Variants in GRIP2 observed in about 807,000 individuals in gnomAD.
GRIP2 encodes glutamate receptor-interacting protein 2.
GRIP2 carries 58 observed loss-of-function variants against 108.3 expected under a neutral mutation model. The ratio of observed to expected loss-of-function variants is 0.54; its 90% CI spans 0.43 to 0.67. The LOEUF is 0.67. Among genes scored for constraint, GRIP2 ranks in the 30% least tolerant of loss-of-function variants. The probability of loss-of-function intolerance (pLI) is 0.00; values close to 1 mark genes in which losing one functional copy is unlikely to be tolerated. For missense variants in GRIP2, 1,278 were observed against 1,430.6 expected (o/e 0.89, Z 1.72); for synonymous variants, 586 against 598.2 (o/e 0.98, Z 0.30).
chr3:14,540,361 T>C, upstream of GRIP2: 1 of 1,611,814 alleles, frequency 6.2e-7, no homozygotes, highest in Non-Finnish European at 8.5e-7. The surrounding 1 kb of genome is among the most constrained non-coding windows in gnomAD (Gnocchi z 4.1). Flanking sequence ...GCCACGCTGC[T>C]TGGCCCTCCC....
At chr3:14,581,732 T>C in the GRIP2 span, among the ~76,000 whole-genome samples, 1 of 152,374 alleles carries the variant, frequency 6.6e-6, no homozygotes, top group South Asian at 2.1e-4. Context: ...AGCCCCTGGA[T>C]GTAGCCCTTC....
chr3:14,521,873 G>C lies in GRIP2; in HGVS notation c.567-86C>G, dbSNP rs1011150030. On this transcript the variant is annotated intron_variant, in intron 6 of 23. Transcript: ENST00000621039. This position sits in a 1 kb window ranked among gnomAD's most constrained non-coding sequence, Gnocchi z 5.1. ...GGAGGGCGCTGGGAAGCGGGACATG[G>C]AGGATGAAGAAGCAGGGAATGGGTG... 11 of 1,251,914 alleles carry C rather than the reference G, an allele frequency of 8.8e-6. No homozygotes were observed. Among genetic ancestry groups the C allele is most frequent in the Non-Finnish European group, 1.2e-5 (11 of 938,346 alleles). 77.6% of individuals were successfully genotyped at this position (1,251,914 alleles called of 1,614,324 possible). A position where few individuals can be genotyped will look rare whatever the true frequency, so the allele number is the denominator to read the frequency against.
chr3:14,562,317 G>A, the GRIP2 span, among the ~76,000 whole-genome samples: 490 of 152,320 alleles, frequency 3.2e-3, 1 homozygote, highest in African/African-American at 0.011. Flanking sequence ...CTGAGTGGGG[G>A]AAGTTGTGAG....
chr3:14,560,620 C>T (rs985721451), upstream of GRIP2, among the ~76,000 whole-genome samples: 5 of 152,212 alleles, frequency 3.3e-5, no homozygotes, highest in African/African-American at 4.8e-5. Flanking sequence ...GAAGCTGTGT[C>T]AGTCAGGCTG....
chr3:14,572,534 C>T, the GRIP2 span, among the ~76,000 whole-genome samples: 2 of 128,944 alleles, frequency 1.6e-5, no homozygotes, highest in African/African-American at 6.0e-5. Context: ...ATGGCGTGAA[C>T]CCGGGAGGCG....
chr3:14,574,438 T>C, the GRIP2 span: 3 of 713,342 alleles, frequency 4.2e-6, no homozygotes, highest in Non-Finnish European at 7.6e-6. Context: ...TCTTCCCGCT[T>C]CCGCCAGCCT....
chr3:14,602,349 A>G, the GRIP2 span: 2 of 151,752 alleles, frequency 1.3e-5, no homozygotes, highest in African/African-American at 4.8e-5. This position sits in a 1 kb window ranked among gnomAD's most constrained non-coding sequence, Gnocchi z 4.7. Flanking sequence ...CAGTGCGGCG[A>G]GTCAGCCCCC....
At chr3:14,517,492 C>CTA (rs1694282474) in intron 10 of GRIP2, among the ~76,000 whole-genome samples, 1 of 108,534 alleles carries the variant, frequency 9.2e-6, no homozygotes. Flanking sequence ...TAATCTCTCT[C>CTA]TCTTTTTTTT....
Position 14,540,117 on chromosome 3 carries a change from A to C in GRIP2, c.40+152T>G, listed in dbSNP as rs892242882. On this transcript the variant is annotated intron_variant, in intron 1 of 23. Coordinates refer to ENST00000621039, the MANE Select transcript of GRIP2 (RefSeq NM_001080423.4). This position sits in a 1 kb window ranked among gnomAD's most constrained non-coding sequence, Gnocchi z 4.1. ...CCAGGGTCAGACAGACAGCCCCAGC[A>C]AGTGTCCTGCCCCACCCTCCCCAAG... Among the ~76,000 whole-genome samples the C allele has an allele frequency of 6.6e-6, 1 of 151,976 alleles. No homozygotes were observed. Among genetic ancestry groups the C allele is most frequent in the Admixed American group, 6.5e-5 (1 of 15,274 alleles).
rs1402984016 is a variant in GRIP2, at chr3:14,507,798, A to C, written c.2079-98T>G. ...GAATCCAGGAGAGCCACAAAGCAGA[A>C]GTCTGGCTGACCCCAGTTAAACCCA... is the stretch of plus-strand genomic sequence containing the variant. On this transcript the variant is annotated intron_variant, in intron 17 of 23. Transcript: ENST00000621039. The surrounding 1 kb of genome is among the most constrained non-coding windows in gnomAD (Gnocchi z 4.6). 7.1e-7 allele frequency: 1 copy of C among 1,416,700 alleles called. No homozygotes were observed. The highest frequency in any genetic ancestry group is 1.4e-5 in the African/African-American group (1 of 70,700). 87.8% of individuals were successfully genotyped at this position (1,416,700 alleles called of 1,614,324 possible).
chr3:14,552,326 C>T (rs1695163264), intron 1 of GRIP2, among the ~76,000 whole-genome samples: 1 of 152,180 alleles, frequency 6.6e-6, no homozygotes, highest in Admixed American at 6.5e-5. Flanking sequence ...CAGACATGCA[C>T]CACGGAGTGG....
chr3:14,579,676 C>A, the GRIP2 span, among the ~76,000 whole-genome samples: 3 of 130,650 alleles, frequency 2.3e-5, no homozygotes, highest in African/African-American at 8.7e-5. Context: ...TTCAGTCTCC[C>A]GCCTTCACAA....
At chr3:14,514,207 G>A in intron 12 of GRIP2, 85 bp downstream of exon 12, 1 of 1,234,894 alleles carries the variant, frequency 8.1e-7, no homozygotes, top group South Asian at 1.5e-5. Flanking sequence ...TAAGTGAGAT[G>A]CGCTTGTGAA....
At chr3:14,588,168 G>A in the GRIP2 span, among the ~76,000 whole-genome samples, 1 of 152,208 alleles carries the variant, frequency 6.6e-6, no homozygotes, top group Non-Finnish European at 1.5e-5. Context: ...GGAGGGCAGA[G>A]TTCACTGAGG....
Position 14,509,956 on chromosome 3 carries a change from C to T in GRIP2, c.1942G>A (p.Glu648Lys). The T allele has an allele frequency of 6.6e-7, 1 of 1,510,720 alleles. No homozygotes were observed. Among genetic ancestry groups the T allele is most frequent in the Non-Finnish European group, 8.9e-7 (1 of 1,123,334 alleles). The allele number at this position is 1,510,720 out of a possible 1,614,324, so 93.6% of individuals were successfully genotyped here. A position where few individuals can be genotyped will look rare whatever the true frequency, so the allele number is the denominator to read the frequency against. The change falls in exon 17 of 24, where the codon GAG (glutamate) becomes AAG (lysine). Residue 648 changes from glutamate (E) to lysine (K), a missense_variant. Transcript: ENST00000621039. The part of the protein sequence containing the change: ...RKDEDNSDEL[E>K]TTGAVSYTVE... The stretch of plus-strand genomic sequence containing the variant: ...GTGTAACTGACGGCACCTGTGGTCT[C>T]CAGCTCATCTGCAAGCACGGGGACC...
chr3:14,500,379 C>T (rs115091953), intron 21 of GRIP2, among the ~76,000 whole-genome samples: 2,296 of 152,246 alleles, frequency 0.015, 25 homozygotes, highest in Middle Eastern at 0.051. Context: ...CACGAGTCCT[C>T]GGACTGAAAA....
upstream of GRIP2, among the ~76,000 whole-genome samples, chr3:14,558,013 C>T (rs551756731): frequency 2.6e-5 from 4 of 152,264 alleles, no homozygotes; most frequent in East Asian, 1.9e-4. Flanking sequence ...GTGGTTATTC[C>T]GCATGGAGCC....
At chr3:14,554,847 G>A (rs1695209446) in intron 1 of GRIP2, among the ~76,000 whole-genome samples, 1 of 152,198 alleles carries the variant, frequency 6.6e-6, no homozygotes, top group African/African-American at 2.4e-5. Flanking sequence ...GACCAGCCTT[G>A]CAGGGCCACT....
Position 14,503,958 on chromosome 3 carries a change from G to C in GRIP2, c.2574-287C>G, listed in dbSNP as rs1288037439. 1.1e-5 allele frequency: 5 copies of C among 450,376 alleles called. No individual in the cohort carries two copies. The Admixed American group carries it at 1.6e-4, about 14-fold the overall frequency. The allele number at this position is 450,376 out of a possible 1,614,324, so 27.9% of individuals were successfully genotyped here. A position where few individuals can be genotyped will look rare whatever the true frequency, so the allele number is the denominator to read the frequency against. ...GAGAGCGGTGACACAGGATGCCTAGGAAGAGAGACAGAGGACAAACAGACG... is the reference window on the plus strand; with the variant it reads ...GAGAGCGGTGACACAGGATGCCTAGCAAGAGAGACAGAGGACAAACAGACG... On this transcript the variant is annotated intron_variant, in intron 20 of 23. Coordinates refer to ENST00000621039, the MANE Select transcript of GRIP2 (RefSeq NM_001080423.4).
Sources: gnomAD v4.1 joint callset for allele counts (sites outside exome capture counted in the v4.1 genomes callset) on GRCh38, gnomAD v4.1.1 for gene constraint, Gnocchi (gnomAD v3.1) non-coding constraint, MANE v1.5 for transcripts, NCBI Gene and HGNC (gene_info 2026-07-23, HGNC 2026-07-21) for gene names.